OPCML: variants seen among roughly 807,000 people sequenced by gnomAD.
OPCML encodes the protein opioid binding protein/cell adhesion molecule like, also known as opioid-binding protein/cell adhesion molecule.
Under a neutral mutation model 37.8 loss-of-function variants are expected in OPCML, and 13 were observed. The observed-to-expected ratio is 0.34, with a 90% CI of 0.22 to 0.55. The LOEUF is 0.55. OPCML is among the 20% of genes least tolerant of loss of function. The pLI is 0.91. For missense variants in OPCML, 341 were observed against 435.6 expected (o/e 0.78, Z 1.93); for synonymous variants, 176 against 168.8 (o/e 1.04, Z -0.33).
intron 1 of OPCML, among the ~76,000 whole-genome samples, chr11:133,053,317 G>A (rs971908078): frequency 2.6e-5 from 4 of 152,144 alleles, no homozygotes; most frequent in South Asian, 2.1e-4. Flanking sequence ...TGATGATCAC[G>A]GTCATTATCA....
chr11:132,447,886 C>T (rs2096059552), intron 4 of OPCML, among the ~76,000 whole-genome samples: 1 of 152,232 alleles, frequency 6.6e-6, no homozygotes, highest in African/African-American at 2.4e-5. Flanking sequence ...CTCTTTCTCC[C>T]AGAGCTCCAG....
Position 133,090,125 on chromosome 11 carries a change from G to A in OPCML, c.62-147115C>T, listed in dbSNP as rs142987121. On this transcript the variant is annotated intron_variant, in intron 1 of 7. Coordinates refer to ENST00000524381, the MANE Select transcript of OPCML (RefSeq NM_001012393.5). Reference sequence around the variant, plus strand: ...AAGAATCCTGCTGAGCCCATTTATGGAGCATCCTCTCCGCCCTTACTACTT... The same window carrying A: ...AAGAATCCTGCTGAGCCCATTTATGAAGCATCCTCTCCGCCCTTACTACTT... 2.9e-4 allele frequency among the ~76,000 whole-genome samples: 44 copies of A among 152,200 alleles called. No individual in the cohort carries two copies. The East Asian group carries it at 7.7e-3, about 27-fold the overall frequency.
intron 2 of OPCML, among the ~76,000 whole-genome samples, chr11:132,884,408 G>A (rs781652259): frequency 3.9e-5 from 6 of 152,146 alleles, no homozygotes; most frequent in African/African-American, 9.7e-5. Flanking sequence ...GTTGGTTGCC[G>A]TAGAGAGAAC....
intron 2 of OPCML, among the ~76,000 whole-genome samples, chr11:132,850,360 G>C (rs1941750090): frequency 6.6e-6 from 1 of 152,142 alleles, no homozygotes; most frequent in African/African-American, 2.4e-5. Flanking sequence ...CCATTAAAAG[G>C]CTCATAAACA....
chr11:132,644,411 A>G (rs1941035010), intron 3 of OPCML, among the ~76,000 whole-genome samples: 1 of 152,106 alleles, frequency 6.6e-6, no homozygotes, highest in South Asian at 2.1e-4. Flanking sequence ...TTACCTGCGG[A>G]TTTTAGGTTA....
Position 133,421,257 on chromosome 11 carries a change from A to G in OPCML, c.61+111007T>C, listed in dbSNP as rs376875353. 161 of 985,406 alleles carry G rather than the reference A, an allele frequency of 1.6e-4. No homozygotes were observed. The South Asian group carries it at 6.5e-3, about 40-fold the overall frequency. 61.0% of individuals were successfully genotyped at this position (985,406 alleles called of 1,614,324 possible). On this transcript the variant is annotated intron_variant, in intron 1 of 7. Coordinates refer to ENST00000524381, the MANE Select transcript of OPCML (RefSeq NM_001012393.5). ...GCCCAGCTGCACAAAGTCAGCCCACATTGCCAAACGTGAGTGGAAAGGCAT... is the reference window on the plus strand; with the variant it reads ...GCCCAGCTGCACAAAGTCAGCCCACGTTGCCAAACGTGAGTGGAAAGGCAT...
At chr11:133,381,949 G>T (rs939528610) in intron 1 of OPCML, among the ~76,000 whole-genome samples, 5 of 152,224 alleles carry the variant, frequency 3.3e-5, no homozygotes, top group African/African-American at 1.2e-4. Context: ...TGGCATGGGA[G>T]CCCACCTTCC....
intron 3 of OPCML, among the ~76,000 whole-genome samples, chr11:132,541,841 T>C (rs771969455): frequency 6.6e-6 from 1 of 152,114 alleles, no homozygotes; most frequent in Non-Finnish European, 1.5e-5. Context: ...ATCTCTCCAC[T>C]CTTGCTGGCA....
intron 1 of OPCML, among the ~76,000 whole-genome samples, chr11:133,035,407 C>T (rs1363943083): frequency 6.6e-6 from 1 of 152,192 alleles, no homozygotes; most frequent in Non-Finnish European, 1.5e-5. Flanking sequence ...ACAGGCAGCA[C>T]CTCCAAGCTC....
chr11:133,221,650 G>T (rs536864719), intron 1 of OPCML, among the ~76,000 whole-genome samples: 1 of 152,310 alleles, frequency 6.6e-6, no homozygotes, highest in South Asian at 2.1e-4. Context: ...GGTGCACGGG[G>T]AGGAGGTTGC....
intron 1 of OPCML, among the ~76,000 whole-genome samples, chr11:133,232,965 A>T (rs979733042): frequency 6.6e-6 from 1 of 152,036 alleles, no homozygotes; most frequent in Admixed American, 6.6e-5. Flanking sequence ...GTGCTGTTTG[A>T]CTCCAGCTAA....
chr11:133,306,431 G>A (rs572526632), intron 1 of OPCML, among the ~76,000 whole-genome samples: 3 of 152,128 alleles, frequency 2.0e-5, no homozygotes, highest in East Asian at 1.9e-4. Flanking sequence ...ATGATTTGAC[G>A]CGGTCACTCT....
At chr11:132,913,938 C>T (rs1565959388) in intron 2 of OPCML, among the ~76,000 whole-genome samples, 1 of 152,232 alleles carries the variant, frequency 6.6e-6, no homozygotes, top group Non-Finnish European at 1.5e-5. Flanking sequence ...ATCCTTTCGA[C>T]TCATTTTCCG....
At chr11:133,097,304 G>A (rs1949017214) in intron 1 of OPCML, among the ~76,000 whole-genome samples, 1 of 152,084 alleles carries the variant, frequency 6.6e-6, no homozygotes, top group South Asian at 2.1e-4. Context: ...ATGACCCGTG[G>A]GTCAAAGAAT....
intron 2 of OPCML, among the ~76,000 whole-genome samples, chr11:132,826,482 G>T (rs1429721422): frequency 6.6e-6 from 1 of 152,056 alleles, no homozygotes; most frequent in African/African-American, 2.4e-5. Flanking sequence ...ATGCAAAGGG[G>T]CAGAGGTGAA....
chr11:132,667,338 G>A (rs1483904935), intron 2 of OPCML, among the ~76,000 whole-genome samples: 7 of 152,138 alleles, frequency 4.6e-5, no homozygotes, highest in Non-Finnish European at 7.3e-5. Context: ...CTAAATCCGA[G>A]TGGGGACCAT....
chr11:133,347,016 G>T (rs182164035), intron 1 of OPCML, among the ~76,000 whole-genome samples: 1 of 152,320 alleles, frequency 6.6e-6, no homozygotes, highest in East Asian at 1.9e-4. Context: ...TGAATGGTGT[G>T]CATAGTGTTT....
chr11:133,086,185 C>T (rs1458455428), intron 1 of OPCML, among the ~76,000 whole-genome samples: 1 of 152,170 alleles, frequency 6.6e-6, no homozygotes, highest in Non-Finnish European at 1.5e-5. Flanking sequence ...CTGATGGTTT[C>T]TATGAACACA....
At chr11:133,188,330 C>G (rs953673234) in intron 1 of OPCML, among the ~76,000 whole-genome samples, 1 of 152,192 alleles carries the variant, frequency 6.6e-6, no homozygotes, top group African/African-American at 2.4e-5. Flanking sequence ...ATCACTGGCT[C>G]TTTCTGTGGT....
Sources: allele counts gnomAD v4.1 joint callset (sites outside exome capture counted in the v4.1 genomes callset), GRCh38; gene constraint gnomAD v4.1.1; transcripts MANE v1.5; gene names NCBI Gene and HGNC (gene_info 2026-07-23, HGNC 2026-07-21).